Variants in EYS observed in about 807,000 individuals in gnomAD.
EYS encodes the protein EGF-like photoreceptor maintenance factor.
EYS carries 250 observed loss-of-function variants against 282.1 expected under a neutral mutation model. The ratio of observed to expected loss-of-function variants is 0.89; its 90% CI spans 0.80 to 0.98. EYS has a LOEUF of 0.98. Ranked by LOEUF, EYS falls within the 50% of genes least tolerant of loss-of-function variation. The pLI is 0.00. For synonymous variants in EYS, 1,355 were observed against 1,282.9 expected (o/e 1.06, Z -1.20); for missense variants, 4,016 against 3,709.0 (o/e 1.08, Z -2.15).
chr6:65,259,194 G>T (rs190600831), intron 12 of EYS, among the ~76,000 whole-genome samples: 1 of 152,164 alleles, frequency 6.6e-6, no homozygotes, highest in African/African-American at 2.4e-5. Context: ...AAAGTGAAAG[G>T]AACTGGTGTT....
intron 31 of EYS, among the ~76,000 whole-genome samples, chr6:64,106,945 G>A (rs1773034369): frequency 6.6e-6 from 1 of 150,764 alleles, no homozygotes; most frequent in Non-Finnish European, 1.5e-5. Flanking sequence ...TTTCTCAGCA[G>A]TGCCCAGTCT....
intron 12 of EYS, among the ~76,000 whole-genome samples, chr6:65,133,785 A>G (rs1166739020): frequency 3.9e-5 from 6 of 151,978 alleles, no homozygotes; most frequent in African/African-American, 7.2e-5. Context: ...CTAATTAAAC[A>G]TAAGAGCTTT....
rs536483297 is a variant in EYS at position 64,023,345 on chromosome 6, C to A, written c.6726-24162G>T. On this transcript the variant is annotated intron_variant, in intron 33 of 42. Transcript: ENST00000503581. ...TCTGTTTGAATCCCTGTTTTCAATT[C>A]TTTTGCATATGCATCTGGGGTGGAA... 3.7e-4 allele frequency among the ~76,000 whole-genome samples: 56 copies of A among 152,304 alleles called. 1 individual carries two copies. Among genetic ancestry groups the A allele is most frequent in the African/African-American group, 1.3e-3 (52 of 41,576 alleles).
intron 14 of EYS, among the ~76,000 whole-genome samples, chr6:64,996,824 T>C (rs139429852): frequency 6.6e-6 from 1 of 152,358 alleles, no homozygotes; most frequent in East Asian, 1.9e-4. Flanking sequence ...GGTTTGCTTT[T>C]AAAGCTTTGT....
intron 29 of EYS, among the ~76,000 whole-genome samples, chr6:64,308,513 G>A (rs1458120322): frequency 1.3e-5 from 2 of 151,918 alleles, no homozygotes; most frequent in Non-Finnish European, 2.9e-5. Context: ...AAAATTTCAA[G>A]CTTAGGTGAA....
intron 31 of EYS, among the ~76,000 whole-genome samples, chr6:64,136,599 G>GA (rs1198599751): frequency 1.3e-5 from 2 of 152,042 alleles, no homozygotes; most frequent in Admixed American, 6.6e-5. Context: ...TGTCAGGCAT[G>GA]AAAAAAAATT....
At chr6:63,895,918 T>G (rs200050631) in intron 35 of EYS, among the ~76,000 whole-genome samples, 3,620 of 149,098 alleles carry the variant, frequency 0.024, 60 homozygotes, top group Non-Finnish European at 0.037. Context: ...TTTTTTTTTT[T>G]TTTTTTTTTT....
rs529740806 is a variant in EYS, at chr6:65,462,416, T to G, written c.862+28178A>C. Among the ~76,000 whole-genome samples the G allele has an allele frequency of 3.9e-5, 6 of 152,192 alleles. No homozygotes were observed. In the South Asian group the frequency reaches 1.2e-3, roughly 32 times the overall value. ...TTACACAAATCTTTATGTGTAAAGA[T>G]TCATAGAACTCTGCACACACACAGA... On this transcript the variant is annotated intron_variant, in intron 5 of 42. Coordinates refer to ENST00000503581, the MANE Select transcript of EYS (RefSeq NM_001142800.2).
chr6:64,252,394 A>C (rs572516026), intron 30 of EYS, among the ~76,000 whole-genome samples: 3 of 152,146 alleles, frequency 2.0e-5, no homozygotes, highest in Non-Finnish European at 4.4e-5. Context: ...ACTGTTGACT[A>C]TCACCACTTC....
chr6:63,917,608 G>T (rs143216045), intron 35 of EYS, among the ~76,000 whole-genome samples: 1 of 152,152 alleles, frequency 6.6e-6, no homozygotes, highest in Non-Finnish European at 1.5e-5. Context: ...TGGATAAAAT[G>T]TTCTTAAAAT....
At chr6:64,823,551 C>G (rs1310024673) in intron 19 of EYS, among the ~76,000 whole-genome samples, 1 of 151,722 alleles carries the variant, frequency 6.6e-6, no homozygotes, top group East Asian at 1.9e-4. Flanking sequence ...ATTTCTTTGC[C>G]CATTACATCC....
At chr6:65,407,536 G>A (rs1766801827) in intron 5 of EYS, among the ~76,000 whole-genome samples, 1 of 152,150 alleles carries the variant, frequency 6.6e-6, no homozygotes, top group Non-Finnish European at 1.5e-5. Flanking sequence ...TTACAGGCGT[G>A]AGCCACTATG....
chr6:64,701,426 A>C (rs1770784412), intron 22 of EYS, among the ~76,000 whole-genome samples: 1 of 152,254 alleles, frequency 6.6e-6, no homozygotes, highest in African/African-American at 2.4e-5. Context: ...TTTGCATACT[A>C]TGCAACTGAA....
At chr6:64,056,077 C>T (rs1397067533) in intron 33 of EYS, among the ~76,000 whole-genome samples, 1 of 152,158 alleles carries the variant, frequency 6.6e-6, no homozygotes, top group Non-Finnish European at 1.5e-5. Context: ...ACTCCCCTTA[C>T]AGACAGCTGA....
At position 65,184,648 on chromosome 6, in the gene EYS, T is replaced by C. The variant is rs1765473356; in HGVS notation, c.2023+111215A>G. ...AATAAATACAGATTCAAATATAAAA[T>C]AATAACATTAATAATAACATATTTT... On this transcript the variant is annotated intron_variant, in intron 12 of 42. Transcript: ENST00000503581. 2.0e-5 allele frequency among the ~76,000 whole-genome samples: 3 copies of C among 151,380 alleles called. No individual in the cohort carries two copies. The South Asian group carries it at 6.2e-4, about 31-fold the overall frequency.
intron 26 of EYS, among the ~76,000 whole-genome samples, chr6:64,535,755 GA>G (rs912606389): frequency 6.6e-6 from 1 of 151,538 alleles, no homozygotes; most frequent in African/African-American, 2.4e-5. Context: ...AAAAAAAAAA[GA>G]AAAAAATTCA....
In EYS at chr6:64,801,655, C is replaced by A. The variant is rs1387953577; in HGVS notation, c.3443+11723G>T. On this transcript the variant is annotated intron_variant, in intron 22 of 42. Coordinates refer to ENST00000503581, the MANE Select transcript of EYS (RefSeq NM_001142800.2). ...CTTTTTAATGTATTTTATTAAAATTCTTTTATTTAAAATGAAAAGGCTAAT... is the reference window on the plus strand; with the variant it reads ...CTTTTTAATGTATTTTATTAAAATTATTTTATTTAAAATGAAAAGGCTAAT... 3.3e-5 allele frequency among the ~76,000 whole-genome samples: 5 copies of A among 152,016 alleles called. No homozygotes were observed. The South Asian group carries it at 6.2e-4, about 19-fold the overall frequency.
intron 29 of EYS, among the ~76,000 whole-genome samples, chr6:64,341,120 G>T (rs1237605999): frequency 6.6e-6 from 1 of 151,534 alleles, no homozygotes; most frequent in African/African-American, 2.4e-5. Flanking sequence ...GGTGGGAATG[G>T]TTCAACCACC....
At position 64,339,819 on chromosome 6, in the gene EYS, G is replaced by A. The variant is rs556137963; in HGVS notation, c.6079-32737C>T. On this transcript the variant is annotated intron_variant, in intron 29 of 42. Transcript: ENST00000503581. ...CTCAGGAATGGAAAACCAAACATAT[G>A]TTCTCACTGATAAGTGGGAGCTAAA... Among the ~76,000 whole-genome samples the A allele has an allele frequency of 2.4e-4, 37 of 151,854 alleles. 1 individual carries two copies. In the South Asian group the frequency reaches 7.7e-3, roughly 31 times the overall value.
Sources: gnomAD v4.1 joint callset for allele counts (sites outside exome capture counted in the v4.1 genomes callset) on GRCh38, gnomAD v4.1.1 for gene constraint, MANE v1.5 for transcripts, NCBI Gene and HGNC (gene_info 2026-07-23, HGNC 2026-07-21) for gene names.